Variants in CSMD3 observed in about 807,000 individuals in gnomAD.
CSMD3 encodes CUB and sushi domain-containing protein 3.
A neutral mutation model predicts 435.2 loss-of-function variants in CSMD3; 177 were observed. That is an observed-to-expected ratio of 0.41 (90% CI 0.36 to 0.46). CSMD3 has a LOEUF of 0.46. CSMD3 is among the 20% of genes least tolerant of loss of function. CSMD3 has a pLI of 0.34. For synonymous variants in CSMD3, 1,656 were observed against 1,520.5 expected (o/e 1.09, Z -2.07); for missense variants, 4,265 against 4,504.6 (o/e 0.95, Z 1.52).
chr8:112,335,526 T>C (rs1371258445), intron 44 of CSMD3, 52 bp from the exon 45 acceptor site: 5 of 1,535,680 alleles, frequency 3.3e-6, no homozygotes, highest in African/African-American at 1.4e-5. Flanking sequence ...ATTGTGGAAG[T>C]AGTTTTGAAC....
chr8:112,519,999 TATTA>T (rs1354629210), intron 27 of CSMD3, among the ~76,000 whole-genome samples: 1 of 152,148 alleles, frequency 6.6e-6, no homozygotes, highest in Non-Finnish European at 1.5e-5. Context: ...GTTATCCACC[TATTA>T]TTTTCACTAA....
chr8:112,405,990 TAAC>T (rs1232521041), intron 35 of CSMD3, among the ~76,000 whole-genome samples: 1 of 151,682 alleles, frequency 6.6e-6, no homozygotes. Flanking sequence ...CTACAGTCAA[TAAC>T]AACTTAACTG....
intron 13 of CSMD3, among the ~76,000 whole-genome samples, chr8:112,693,091 A>T (rs2076173833): frequency 6.6e-6 from 1 of 152,070 alleles, no homozygotes; most frequent in African/African-American, 2.4e-5. Context: ...TACATGTGTC[A>T]GATGCTGTTC....
At chr8:113,124,407 T>C (rs1200863703) in intron 4 of CSMD3, among the ~76,000 whole-genome samples, 1 of 151,922 alleles carries the variant, frequency 6.6e-6, no homozygotes, top group Non-Finnish European at 1.5e-5. Flanking sequence ...GAGACATCAT[T>C]GTATAATAAT....
At chr8:112,768,774 AG>A (rs2078041582) in intron 13 of CSMD3, among the ~76,000 whole-genome samples, 1 of 151,910 alleles carries the variant, frequency 6.6e-6, no homozygotes, top group African/African-American at 2.4e-5. Flanking sequence ...ATTCTTTTAC[AG>A]GGTTGTCTGT....
chr8:112,656,009 C>A, intron 18 of CSMD3, 145 bp downstream of exon 18: 1 of 584,726 alleles, frequency 1.7e-6, no homozygotes, highest in Non-Finnish European at 3.0e-6. Flanking sequence ...AAAACACACA[C>A]CTTATAAAGC....
intron 4 of CSMD3, among the ~76,000 whole-genome samples, chr8:113,140,990 CATAAGGA>C (rs2091535063): frequency 6.7e-6 from 1 of 150,348 alleles, no homozygotes; most frequent in Non-Finnish European, 1.5e-5. Flanking sequence ...AAATTATTGA[CATAAGGA>C]ATGGAAGATG....
At chr8:113,095,147 A>G (rs2090125277) in intron 5 of CSMD3, among the ~76,000 whole-genome samples, 1 of 152,142 alleles carries the variant, frequency 6.6e-6, no homozygotes. Context: ...TTTATTCATA[A>G]TATCTGTTCT....
intron 49 of CSMD3, among the ~76,000 whole-genome samples, chr8:112,311,823 T>C (rs111498149): frequency 0.023 from 3,472 of 152,274 alleles, 144 homozygotes; most frequent in African/African-American, 0.078. Flanking sequence ...GCATGGCAGG[T>C]CCCATTTACC....
intron 16 of CSMD3, among the ~76,000 whole-genome samples, chr8:112,671,830 A>G (rs1197182593): frequency 2.0e-5 from 3 of 152,112 alleles, no homozygotes; most frequent in Non-Finnish European, 4.4e-5. Context: ...ACAGAAATAG[A>G]TGAAAAGTCA....
intron 32 of CSMD3, among the ~76,000 whole-genome samples, chr8:112,465,685 A>C (rs961189964): frequency 6.6e-6 from 1 of 152,140 alleles, no homozygotes; most frequent in African/African-American, 2.4e-5. Context: ...ATCAGTTAGA[A>C]AAAAAGAGGC....
At chr8:112,956,347 T>C (rs902250629) in intron 7 of CSMD3, among the ~76,000 whole-genome samples, 6 of 152,090 alleles carry the variant, frequency 3.9e-5, no homozygotes, top group African/African-American at 1.4e-4. Context: ...TTAATTCTTC[T>C]GAAGTGTTCA....
chr8:113,362,635 T>C (rs1319822108), intron 1 of CSMD3, among the ~76,000 whole-genome samples: 8 of 152,236 alleles, frequency 5.3e-5, no homozygotes, highest in Non-Finnish European at 8.8e-5. Context: ...ATTTCCACCC[T>C]GTTCCCTTTT....
rs2077105796 is a variant in CSMD3 at position 112,732,884 on chromosome 8, C to G, written c.1973-42834G>C. Among the ~76,000 whole-genome samples the G allele has an allele frequency of 4.6e-5, 7 of 151,880 alleles. No homozygotes were observed. In the South Asian group the frequency reaches 1.5e-3, roughly 31 times the overall value. Reference sequence around the variant, plus strand: ...AAATATTAAAAATTACCAGTGTAACCTAATATGTGGTTAATCACAACTACC... The same window carrying G: ...AAATATTAAAAATTACCAGTGTAACGTAATATGTGGTTAATCACAACTACC... On this transcript the variant is annotated intron_variant, in intron 13 of 70. Transcript: ENST00000297405.
At chr8:112,734,982 A>C (rs1193140149) in intron 13 of CSMD3, among the ~76,000 whole-genome samples, 2 of 151,986 alleles carry the variant, frequency 1.3e-5, no homozygotes, top group African/African-American at 4.8e-5. Context: ...TAGTAGGAAG[A>C]GCTCATTGGA....
At chr8:112,699,576 A>G (rs1049306587) in intron 13 of CSMD3, among the ~76,000 whole-genome samples, 1 of 152,244 alleles carries the variant, frequency 6.6e-6, no homozygotes, top group Non-Finnish European at 1.5e-5. Flanking sequence ...CATATAAATC[A>G]CAAAGGTGAA....
chr8:112,392,864 CTTTTTT>C (rs56809581), intron 35 of CSMD3, among the ~76,000 whole-genome samples: 2,902 of 122,202 alleles, frequency 0.024, 95 homozygotes, highest in African/African-American at 0.085. Context: ...TCTTTTTTTT[CTTTTTT>C]TTTTTTTTTT....
At chr8:112,428,048 C>T (rs1380161398) in intron 32 of CSMD3, among the ~76,000 whole-genome samples, 1 of 152,136 alleles carries the variant, frequency 6.6e-6, no homozygotes, top group South Asian at 2.1e-4. Context: ...ACATTTCCCC[C>T]AGCTATTTCC....
At chr8:112,535,945 G>A (rs1826032737) in intron 27 of CSMD3, among the ~76,000 whole-genome samples, 1 of 151,990 alleles carries the variant, frequency 6.6e-6, no homozygotes, top group Admixed American at 6.6e-5. Context: ...TTAATAAATG[G>A]TGCTGGGAAA....
Sources: allele counts gnomAD v4.1 joint callset (sites outside exome capture counted in the v4.1 genomes callset), GRCh38; gene constraint gnomAD v4.1.1; transcripts MANE v1.5; gene names NCBI Gene and HGNC (gene_info 2026-07-23, HGNC 2026-07-21).